RRP12: variants seen among roughly 807,000 people sequenced by gnomAD.
RRP12 encodes the protein RRP12-like protein.
Under a neutral mutation model 157.3 loss-of-function variants are expected in RRP12, and 78 were observed. The ratio of observed to expected loss-of-function variants is 0.50; its 90% CI spans 0.41 to 0.60. The LOEUF (loss-of-function observed/expected upper bound fraction) is 0.60. Among genes scored for constraint, RRP12 ranks in the 20% least tolerant of loss-of-function variants. RRP12 has a pLI of 0.00. For missense variants in RRP12, 1,521 were observed against 1,679.9 expected, an observed-to-expected ratio of 0.91 and a Z score of 1.65; for synonymous variants, 726 against 670.9, an observed-to-expected ratio of 1.08 and a Z score of -1.27.
At chr10:97,385,421 A>T (rs771213051) in intron 9 of RRP12, among the ~76,000 whole-genome samples, 164 bp from the exon 10 acceptor site, 3 of 151,944 alleles carry the variant, frequency 2.0e-5, no homozygotes, top group Non-Finnish European at 4.4e-5. Context: ...TCCCTTCTCC[A>T]TGAAGCCCTC....
intron 26 of RRP12, 26 bp downstream of exon 26, chr10:97,367,015 C>T (rs200218823): frequency 1.2e-6 from 2 of 1,612,542 alleles, no homozygotes; most frequent in Admixed American, 1.7e-5. Context: ...GCTTGCCCTA[C>T]CCCCGCCCCT....
chr10:97,365,766 T>TTA, intron 29 of RRP12: 1 of 171,334 alleles, frequency 5.8e-6, no homozygotes, highest in Non-Finnish European at 1.1e-5. Context: ...AAGTTTGCAT[T>TTA]AAAAAAAAAA....
chr10:97,386,220 T>C lies in RRP12; in HGVS notation c.1018-227A>G, dbSNP rs1481164931. Among the ~76,000 whole-genome samples the C allele has an allele frequency of 1.3e-5, 2 of 149,284 alleles. 1 individual carries two copies. The highest frequency in any genetic ancestry group is 4.2e-4 in the South Asian group (2 of 4,776). On this transcript the variant is annotated intron_variant, in intron 8 of 33. Transcript: ENST00000370992. Reference sequence around the variant, plus strand: ...AAACATTAACAAAATGGTTTTAACATAACAGCCAAAAAAGCAGGCTATAAA... The same window carrying C: ...AAACATTAACAAAATGGTTTTAACACAACAGCCAAAAAAGCAGGCTATAAA...
rs1190934811 is a variant in RRP12 at position 97,366,558 on chromosome 10, T to A, written c.3279A>T (p.Arg1093=). The A allele has an allele frequency of 6.2e-7, 1 of 1,614,130 alleles. No homozygotes were observed. The highest frequency in any genetic ancestry group is 8.5e-7 in the Non-Finnish European group (1 of 1,180,046). ...EEDNEEEERS[R]GKEQRKLARQ... is the part of the protein sequence containing the mutation. ...GTGCCAGCTTCCGCTGCTCCTTGCCTCGGCTTCTTTCCTCCTCCTCATTGT... is the reference window on the plus strand; with the variant it reads ...GTGCCAGCTTCCGCTGCTCCTTGCCACGGCTTCTTTCCTCCTCCTCATTGT... The change falls in exon 28 of 34, where the codon CGA becomes CGT. Residue 1093 remains arginine, a synonymous_variant. Transcript: ENST00000370992.
rs987017976 is a variant in RRP12, at chr10:97,381,751, G to T, written c.1284C>A (p.His428Gln). The change falls in exon 11 of 34, where the codon CAC becomes CAA. Residue 428 changes from histidine to glutamine, a missense_variant. His to Gln is a conservative substitution (Grantham distance 24). Transcript: ENST00000370992. ...GTAVTCLLSP[H>Q]SQVLTAATQS... is the part of the protein sequence containing the mutation. ...GCGTAGCAGCAGTCAGCACTTGCGA[G>T]TGTGGGGAAAGGAGGCAGGTCACCG... is the stretch of plus-strand genomic sequence containing the variant. The T allele has an allele frequency of 1.2e-6, 2 of 1,614,216 alleles. No homozygotes were observed. Among genetic ancestry groups the T allele is most frequent in the South Asian group, 1.1e-5 (1 of 91,086 alleles).
At chr10:97,362,916 G>C (rs901102689) in intron 30 of RRP12, among the ~76,000 whole-genome samples, 1 of 152,204 alleles carries the variant, frequency 6.6e-6, no homozygotes, top group African/African-American at 2.4e-5. Flanking sequence ...GGATGTGGGG[G>C]AAGTCTGTAA....
intron 4 of RRP12, 137 bp from the exon 5 acceptor site, chr10:97,390,981 T>C (rs745361923): frequency 1.5e-6 from 1 of 665,100 alleles, no homozygotes; most frequent in Non-Finnish European, 2.8e-6. Flanking sequence ...AAAGTCAGAA[T>C]AGGCACCCAC....
chr10:97,379,544 CTT>C, intron 14 of RRP12, 82 bp downstream of exon 14: 1 of 1,594,634 alleles, frequency 6.3e-7, no homozygotes, highest in Non-Finnish European at 8.6e-7. Context: ...CTGACACAGA[CTT>C]TAGCCCACAG....
rs1250444245 is a variant in RRP12, at chr10:97,393,502, G to A, written c.530+182C>T. ...TTCAGGACAGCCTAGTTTAGTTAGAGTTTCTCACTAGAGGCCTACGACGGT... is the reference window on the plus strand; with the variant it reads ...TTCAGGACAGCCTAGTTTAGTTAGAATTTCTCACTAGAGGCCTACGACGGT... On this transcript the variant is annotated intron_variant, in intron 4 of 33. Coordinates refer to ENST00000370992, the MANE Select transcript of RRP12 (RefSeq NM_015179.4). The A allele has an allele frequency of 1.0e-5, 7 of 689,908 alleles. No homozygotes were observed. In the African/African-American group the frequency reaches 1.1e-4, roughly 10 times the overall value. 42.7% of individuals were successfully genotyped at this position (689,908 alleles called of 1,614,324 possible).
chr10:97,381,906 C>T (rs11189177), intron 10 of RRP12, 80 bp from the exon 11 acceptor site: 308,831 of 938,114 alleles, frequency 0.33, 53,807 homozygotes, highest in African/African-American at 0.5. Flanking sequence ...CTGAGACGGC[C>T]CAGCTCTGAA....
At chr10:97,368,001 G>C (rs192686417) in intron 25 of RRP12, among the ~76,000 whole-genome samples, 1 of 150,534 alleles carries the variant, frequency 6.6e-6, no homozygotes, top group Non-Finnish European at 1.5e-5. Context: ...CAAAGTACTG[G>C]GATTACAGGT....
intron 27 of RRP12, 53 bp from the exon 28 acceptor site, chr10:97,366,674 C>G: frequency 6.3e-7 from 1 of 1,597,818 alleles, no homozygotes; most frequent in Middle Eastern, 1.7e-4. Flanking sequence ...CGGGGGTCAG[C>G]GGGTATTGCC....
At chr10:97,372,028 G>T (rs756991671) in intron 20 of RRP12, 45 bp downstream of exon 20, 3 of 1,379,906 alleles carry the variant, frequency 2.2e-6, no homozygotes, top group East Asian at 2.3e-5. Flanking sequence ...CAGCCCATCT[G>T]CCCCCAAGCG....
At position 97,372,143 on chromosome 10, in the gene RRP12, A is replaced by G; in HGVS notation, c.2273T>C (p.Val758Ala). 1 of 1,613,724 alleles carries G rather than the reference A, an allele frequency of 6.2e-7. No individual in the cohort carries two copies. The highest frequency in any genetic ancestry group is 8.5e-7 in the Non-Finnish European group (1 of 1,179,880). Residue 758 changes from valine to alanine, a missense_variant, in exon 20 of 34, where the codon GTG becomes GCG. By Grantham distance (64) the Val-to-Ala change is moderately conservative. Transcript: ENST00000370992. ...TTCGTCAGCACACGGAGCCAAGGCC[A>G]CGACCAGGTCCAGGACAGACAATCT... Reference protein sequence around the residue: ...FTRLSVLDLVVALAPCADEAA... With the variant: ...FTRLSVLDLVAALAPCADEAA...
At position 97,373,211 on chromosome 10, in the gene RRP12, G is replaced by A. The variant is rs1279657829; in HGVS notation, c.2027-11C>T. 3.1e-6 allele frequency: 5 copies of A among 1,613,378 alleles called. No homozygotes were observed. Among genetic ancestry groups the A allele is most frequent in the Non-Finnish European group, 4.2e-6 (5 of 1,179,632 alleles). ...CAGCACGGTCAGCCTCTGGTAAAAGGATCAAAGTTTGCACTAAAGGCACAG... is the reference window on the plus strand; with the variant it reads ...CAGCACGGTCAGCCTCTGGTAAAAGAATCAAAGTTTGCACTAAAGGCACAG... On this transcript the variant is annotated splice_polypyrimidine_tract_variant and intron_variant, in intron 17 of 33. Coordinates refer to ENST00000370992, the MANE Select transcript of RRP12 (RefSeq NM_015179.4).
At position 97,369,478 on chromosome 10, in the gene RRP12, C is replaced by T; in HGVS notation, c.2902G>A (p.Val968Met). ...GCCACGTCCATGACAGTCACTGCCACCTTGATGAAGCCCAGTGCAGACTTG... is the reference window on the plus strand; with the variant it reads ...GCCACGTCCATGACAGTCACTGCCATCTTGATGAAGCCCAGTGCAGACTTG... ...VVKSALGFIK[V>M]AVTVMDVAHL... Residue 968 changes from valine (V) to methionine (M), a missense_variant, in exon 25 of 34, where the codon GTG (valine) becomes ATG (methionine). Coordinates refer to ENST00000370992, the MANE Select transcript of RRP12 (RefSeq NM_015179.4). The T allele has an allele frequency of 1.2e-6, 2 of 1,611,682 alleles. No individual in the cohort carries two copies. Among genetic ancestry groups the T allele is most frequent in the East Asian group, 4.5e-5 (2 of 44,804 alleles).
intron 2 of RRP12, among the ~76,000 whole-genome samples, chr10:97,399,749 TAA>T (rs113947828): frequency 2.2e-4 from 25 of 113,728 alleles, no homozygotes; most frequent in African/African-American, 2.6e-4. Context: ...TTAAATATAC[TAA>T]AAAAAAAAAA....
intron 15 of RRP12, among the ~76,000 whole-genome samples, chr10:97,377,136 TC>T (rs1165531904): frequency 6.6e-6 from 1 of 150,872 alleles, no homozygotes; most frequent in Non-Finnish European, 1.5e-5. Flanking sequence ...CACCTCGGCC[TC>T]CCCGAGTGCT....
rs543956425 is a variant in RRP12 at position 97,373,948 on chromosome 10, C to T, written c.1799-54G>A. ...AGCCCAGCACCCTCCTGGCCAACAG[C>T]CTTATTTACCAAACCAAACCAAAAG... is the stretch of plus-strand genomic sequence containing the variant. On this transcript the variant is annotated intron_variant, in intron 15 of 33. Transcript: ENST00000370992. The T allele has an allele frequency of 1.6e-5, 25 of 1,525,468 alleles. No individual in the cohort carries two copies. In the East Asian group the frequency reaches 4.9e-4, roughly 30 times the overall value. The allele number at this position is 1,525,468 out of a possible 1,614,324, so 94.5% of individuals were successfully genotyped here.
Sources: allele counts gnomAD v4.1 joint callset (sites outside exome capture counted in the v4.1 genomes callset), GRCh38; gene constraint gnomAD v4.1.1; transcripts MANE v1.5; gene names NCBI Gene and HGNC (gene_info 2026-07-23, HGNC 2026-07-21).